Variants in PTPRZ1 observed in about 807,000 individuals in gnomAD.
PTPRZ1 encodes protein tyrosine phosphatase receptor type Z1.
A neutral mutation model predicts 214.1 loss-of-function variants in PTPRZ1; 82 were observed. That is an observed-to-expected ratio of 0.38 (90% CI 0.32 to 0.46). The LOEUF (loss-of-function observed/expected upper bound fraction) is 0.46, where lower values mean the gene tolerates loss of function less well. Among genes scored for constraint, PTPRZ1 ranks in the 20% least tolerant of loss-of-function variants. The pLI, the probability that PTPRZ1 is intolerant of heterozygous loss-of-function variation, is 1.00. For missense variants in PTPRZ1, 2,603 were observed against 2,748.7 expected, an observed-to-expected ratio of 0.95 and a Z score of 1.19; for synonymous variants, 945 against 987.9, an observed-to-expected ratio of 0.96 and a Z score of 0.81.
intron 8 of PTPRZ1, among the ~76,000 whole-genome samples, chr7:121,989,673 C>T (rs1300428526): frequency 1.3e-5 from 2 of 152,098 alleles, no homozygotes; most frequent in South Asian, 2.1e-4. Context: ...CACGCTCCAC[C>T]GAAAGTTTTT....
chr7:121,924,898 A>C (rs1469783907), intron 1 of PTPRZ1, among the ~76,000 whole-genome samples: 1 of 152,202 alleles, frequency 6.6e-6, no homozygotes, highest in Non-Finnish European at 1.5e-5. Context: ...TCAATTCTTT[A>C]TAATTTATTT....
chr7:121,974,238 G>A (rs1797360082), intron 4 of PTPRZ1, among the ~76,000 whole-genome samples: 1 of 151,974 alleles, frequency 6.6e-6, no homozygotes. Flanking sequence ...TTAAAGAAAA[G>A]CACATTTATC....
intron 8 of PTPRZ1, among the ~76,000 whole-genome samples, chr7:121,996,049 A>T (rs1257462448): frequency 1.3e-5 from 2 of 152,248 alleles, no homozygotes; most frequent in East Asian, 3.8e-4. Flanking sequence ...ACAATACGAA[A>T]GTATGCAAAT....
chr7:121,880,603 A>C (rs941442316), intron 1 of PTPRZ1, among the ~76,000 whole-genome samples: 1 of 152,212 alleles, frequency 6.6e-6, no homozygotes, highest in Non-Finnish European at 1.5e-5. Flanking sequence ...TAGGAATAAA[A>C]TAAAACATTG....
Position 122,010,470 on chromosome 7 carries a change from A to G in PTPRZ1, c.1424A>G (p.Asn475Ser), listed in dbSNP as rs748521768. Residue 475 changes from asparagine (N) to serine (S), a missense_variant, in exon 12 of 30, where the codon AAT becomes AGT. Around this residue, in one of 6 missense-constraint regions of PTPRZ1, gnomAD observed 1,913 missense variants for 1,914.3 expected, o/e 1.00. Coordinates refer to ENST00000393386, the MANE Select transcript of PTPRZ1 (RefSeq NM_002851.3). Reference protein sequence around the residue: ...THYNRIGTKYNEAKTNRSPTR... With the variant: ...THYNRIGTKYSEAKTNRSPTR... ...TACAATCGCATAGGGACGAAATACA[A>G]TGAAGCCAAGACTAACCGATCCCCA... The G allele has an allele frequency of 3.7e-6, 6 of 1,614,124 alleles. No individual in the cohort carries two copies. In the South Asian group the frequency reaches 5.5e-5, roughly 15 times the overall value.
Position 121,976,135 on chromosome 7 carries a change from CTT to C in PTPRZ1, c.457-36_457-35del, listed in dbSNP as rs762614047. The C allele has an allele frequency of 5.0e-5, 69 of 1,385,670 alleles. 1 individual carries two copies. The highest frequency in any genetic ancestry group is 6.9e-5 in the Non-Finnish European group (68 of 981,742). 85.8% of individuals were successfully genotyped at this position (1,385,670 alleles called of 1,614,324 possible). A position where few individuals can be genotyped will look rare whatever the true frequency, so the allele number is the denominator to read the frequency against. On this transcript the variant is annotated intron_variant, in intron 4 of 29. Transcript: ENST00000393386. ...TTCTCTTTGCTGATTTTTATGAAGT[CTT>C]TGTGTATCATAAAACTATCATTGTT...
chr7:122,005,949 T>C (rs1562857052), intron 11 of PTPRZ1, among the ~76,000 whole-genome samples: 1 of 152,176 alleles, frequency 6.6e-6, no homozygotes, highest in East Asian at 1.9e-4. Context: ...CATGTTTAGT[T>C]ATTTTTCTTC....
chr7:122,023,250 A>C (rs1171359423), intron 13 of PTPRZ1, among the ~76,000 whole-genome samples: 1 of 151,686 alleles, frequency 6.6e-6, no homozygotes, highest in Non-Finnish European at 1.5e-5. Context: ...CAGAGGAAGC[A>C]GATTTTAGCC....
rs779642597 is a variant in PTPRZ1, at chr7:122,011,851, C to T, written c.2805C>T (p.Gly935=). The part of the protein sequence containing the change: ...EPSYALSDNE[G]SQHIFTVSYS... ...CTTATGCCTTGTCTGATAATGAGGG[C>T]TCCCAACACATCTTCACTGTTTCTT... The change falls in exon 12 of 30, where the codon GGC becomes GGT. Residue 935 remains glycine (G), a synonymous_variant. Transcript: ENST00000393386. 6.2e-7 allele frequency: 1 copy of T among 1,613,716 alleles called. No homozygotes were observed. The highest frequency in any genetic ancestry group is 8.5e-7 in the Non-Finnish European group (1 of 1,179,620).
At chr7:122,050,005 A>G (rs552528540) in intron 23 of PTPRZ1, among the ~76,000 whole-genome samples, 1 of 152,328 alleles carries the variant, frequency 6.6e-6, no homozygotes, top group East Asian at 1.9e-4. Flanking sequence ...AGATTAATCT[A>G]TAAATAACAT....
At chr7:122,060,972 G>T in intron 29 of PTPRZ1, 108 bp from the exon 30 acceptor site, 2 of 1,054,036 alleles carry the variant, frequency 1.9e-6, no homozygotes, top group South Asian at 4.4e-5. Flanking sequence ...TTAACACATT[G>T]CCCTTTCATG....
intron 20 of PTPRZ1, 152 bp downstream of exon 20, chr7:122,039,740 G>A (rs2150477653): frequency 4.0e-6 from 4 of 994,960 alleles, no homozygotes; most frequent in Non-Finnish European, 5.7e-6. Context: ...GCTTATGCCT[G>A]TAATCCCAGG....
intron 10 of PTPRZ1, among the ~76,000 whole-genome samples, chr7:122,001,930 A>C (rs1423990932): frequency 2.0e-5 from 3 of 152,186 alleles, no homozygotes; most frequent in Non-Finnish European, 4.4e-5. Context: ...TCTATAAGCC[A>C]GTATAATTTT....
intron 1 of PTPRZ1, among the ~76,000 whole-genome samples, chr7:121,879,932 G>C (rs551481499): frequency 6.6e-6 from 1 of 151,516 alleles, no homozygotes; most frequent in South Asian, 2.1e-4. Flanking sequence ...CTTTTAGCAT[G>C]AGTTTAAGAT....
chr7:122,023,975 T>C (rs2116699800), intron 13 of PTPRZ1, among the ~76,000 whole-genome samples: 1 of 151,496 alleles, frequency 6.6e-6, no homozygotes, highest in Non-Finnish European at 1.5e-5. Context: ...TGATAGGACC[T>C]ATGTCTACAA....
chr7:121,905,253 A>G (rs1046801112), intron 1 of PTPRZ1, among the ~76,000 whole-genome samples: 5 of 152,144 alleles, frequency 3.3e-5, no homozygotes, highest in Admixed American at 3.3e-4. Flanking sequence ...ACCACCAACC[A>G]TAGTAAAAGG....
chr7:122,050,594 C>T (rs142985452), intron 23 of PTPRZ1, among the ~76,000 whole-genome samples: 1 of 152,144 alleles, frequency 6.6e-6, no homozygotes, highest in African/African-American at 2.4e-5. Context: ...AATAAATTGG[C>T]TGTAAATCTC....
At chr7:121,927,610 C>T (rs973250783) in intron 1 of PTPRZ1, among the ~76,000 whole-genome samples, 11 of 152,198 alleles carry the variant, frequency 7.2e-5, no homozygotes, top group Non-Finnish European at 1.2e-4. Flanking sequence ...CGCTATCTGA[C>T]GTAACATTTC....
rs866679997 is a variant in PTPRZ1, at chr7:122,012,254, G to A, written c.3208G>A (p.Val1070Ile). 6.2e-7 allele frequency: 1 copy of A among 1,614,090 alleles called. No individual in the cohort carries two copies. Among genetic ancestry groups the A allele is most frequent in the African/African-American group, 1.3e-5 (1 of 75,042 alleles). ...NEMVYPSESTVMPNMYDNVNK... is the reference protein window; with the variant it reads ...NEMVYPSESTIMPNMYDNVNK... ...GATGGTTTACCCTTCTGAAAGCACA[G>A]TCATGCCCAACATGTATGATAATGT... The change falls in exon 12 of 30, where the codon GTC becomes ATC. Residue 1070 changes from valine to isoleucine, a missense_variant. Physicochemically the swap from Val to Ile is conservative, Grantham distance 29. Transcript: ENST00000393386.
Sources: gnomAD v4.1 joint callset for allele counts (sites outside exome capture counted in the v4.1 genomes callset) on GRCh38, gnomAD v4.1.1 for gene constraint, gnomAD v4.1.1 regional missense constraint, MANE v1.5 for transcripts, NCBI Gene and HGNC (gene_info 2026-07-23, HGNC 2026-07-21) for gene names.